The following HYDIN variants were observed in gnomAD, a reference collection of about 807,000 sequenced individuals.
HYDIN encodes the protein HYDIN axonemal central pair apparatus protein.
HYDIN carries 132 observed loss-of-function variants against 403.9 expected under a neutral mutation model. The ratio of observed to expected loss-of-function variants is 0.33; its 90% CI spans 0.28 to 0.38. HYDIN has a LOEUF of 0.38. HYDIN is among the 10% of genes least tolerant of loss of function. HYDIN has a pLI of 1.00. For missense variants in HYDIN, 2,827 were observed against 5,009.5 expected (o/e 0.56, Z 13.15); for synonymous variants, 1,202 against 1,891.7 (o/e 0.64, Z 9.46).
rs759793843 is a variant in HYDIN at position 70,959,838 on chromosome 16, ATG to A, written c.5969-20_5969-19del. ...CTTGTCAGCTGCAAATTTAAAATATATGTGTGTGCACACATGGCATGCATGCT... is the reference window on the plus strand; with the variant it reads ...CTTGTCAGCTGCAAATTTAAAATATATGTGTGCACACATGGCATGCATGCT... On this transcript the variant is annotated intron_variant, in intron 38 of 85. Transcript: ENST00000393567. 3 of 640,678 alleles carry A rather than the reference ATG, an allele frequency of 4.7e-6. No individual in the cohort carries two copies. Among genetic ancestry groups the A allele is most frequent in the African/African-American group, 2.2e-5 (1 of 45,646 alleles). The allele number at this position is 640,678 out of a possible 1,614,324, so 39.7% of individuals were successfully genotyped here. A position where few individuals can be genotyped will look rare whatever the true frequency, so the allele number is the denominator to read the frequency against.
chr16:71,128,234 C>T (rs2084552323), intron 9 of HYDIN, among the ~76,000 whole-genome samples: 1 of 152,048 alleles, frequency 6.6e-6, no homozygotes, highest in East Asian at 1.9e-4. Flanking sequence ...AAACTGTGTC[C>T]CAGAGGATGT....
At chr16:71,227,759 C>T (rs1289164348) in intron 1 of HYDIN, among the ~76,000 whole-genome samples, 1 of 152,150 alleles carries the variant, frequency 6.6e-6, no homozygotes, top group Non-Finnish European at 1.5e-5. Context: ...AGATTCAGTG[C>T]CATCCCCATC....
chr16:71,141,347 T>C (rs1274569382), intron 7 of HYDIN, among the ~76,000 whole-genome samples: 2 of 151,428 alleles, frequency 1.3e-5, no homozygotes, highest in Non-Finnish European at 3.0e-5. Flanking sequence ...AATATTTAAA[T>C]GTTCAATATG....
Position 70,805,650 on chromosome 16 carries a change from T to C in HYDIN, c.*1930A>G, listed in dbSNP as rs1312120839. ...ATGCTGTATATTTGCAAGTCATCAC[T>C]CTTGCTCATTGATCTTAGCATCCTC... On this transcript the variant is annotated 3_prime_UTR_variant, in exon 86 of 86. Transcript: ENST00000393567. 6.6e-6 allele frequency among the ~76,000 whole-genome samples: 1 copy of C among 152,254 alleles called. No individual in the cohort carries two copies. Among genetic ancestry groups the C allele is most frequent in the Non-Finnish European group, 1.5e-5 (1 of 68,046 alleles).
chr16:71,083,833 G>C (rs1396138762), intron 12 of HYDIN, among the ~76,000 whole-genome samples: 1 of 138,722 alleles, frequency 7.2e-6, no homozygotes, highest in African/African-American at 2.7e-5. Flanking sequence ...CCGCTCTTTA[G>C]TCACTTAGTA....
rs766902138 is a variant in HYDIN at position 70,920,861 on chromosome 16, G to A, written c.7515C>T (p.Arg2505=). ...CTCTCTCCCGGTCCTTGCGGCCCCT[G>A]CGCCCACCCAAGGGGACCTGGCGCT... ...DDQRQVPLGG[R]RGRKDRERER... is the part of the protein sequence containing the mutation. Residue 2505 remains arginine, a synonymous_variant, in exon 46 of 86, where the codon CGC becomes CGT. Coordinates refer to ENST00000393567, the MANE Select transcript of HYDIN (RefSeq NM_001270974.2). 5 of 1,601,234 alleles carry A rather than the reference G, an allele frequency of 3.1e-6. No individual in the cohort carries two copies. The highest frequency in any genetic ancestry group is 4.3e-6 in the Non-Finnish European group (5 of 1,173,352).
intron 8 of HYDIN, among the ~76,000 whole-genome samples, chr16:71,136,777 AAAAC>A (rs1375268663): frequency 2.0e-5 from 3 of 150,284 alleles, no homozygotes; most frequent in Non-Finnish European, 4.4e-5. Context: ...AAAAAAAAAA[AAAAC>A]AAAAAAAACA....
At chr16:71,214,013 A>G (rs1567461140) in intron 1 of HYDIN, among the ~76,000 whole-genome samples, 1 of 152,138 alleles carries the variant, frequency 6.6e-6, no homozygotes, top group East Asian at 1.9e-4. Context: ...ATATGAATAT[A>G]TAACATTTTT....
intron 5 of HYDIN, among the ~76,000 whole-genome samples, chr16:71,163,202 A>G: frequency 6.7e-6 from 1 of 149,186 alleles, no homozygotes. Flanking sequence ...TGCTCACTAC[A>G]AGCTCCGCCT....
At chr16:71,022,453 A>T (rs1233263421) in intron 21 of HYDIN, among the ~76,000 whole-genome samples, 1 of 152,194 alleles carries the variant, frequency 6.6e-6, no homozygotes, top group Non-Finnish European at 1.5e-5. Flanking sequence ...TATAAAGTAG[A>T]CCAAATCTGA....
intron 10 of HYDIN, among the ~76,000 whole-genome samples, chr16:71,098,360 C>G (rs1371220543): frequency 6.6e-6 from 1 of 151,872 alleles, no homozygotes; most frequent in Non-Finnish European, 1.5e-5. Flanking sequence ...CGCCACCACG[C>G]CCGGCTAATA....
chr16:70,920,591 C>G lies in HYDIN; in HGVS notation c.7785G>C (p.Gln2595His), dbSNP rs769252277. 6.2e-7 allele frequency: 1 copy of G among 1,608,460 alleles called. No homozygotes were observed. The highest frequency in any genetic ancestry group is 8.5e-7 in the Non-Finnish European group (1 of 1,176,264). The change falls in exon 46 of 86, where the codon CAG (glutamine) becomes CAC (histidine). Residue 2595 changes from glutamine (Q) to histidine (H), a missense_variant and splice_region_variant. Physicochemically the swap from Gln to His is conservative, Grantham distance 24. Transcript: ENST00000393567. ...CCCCACCCTGGAGGAGAGTCCATAC[C>G]TGCTCTCCTTTGGGAAGCTTGTCGC... Reference protein sequence around the residue: ...LESDKLPKGEQILDILGLGAS... With the variant: ...LESDKLPKGEHILDILGLGAS...
intron 9 of HYDIN, among the ~76,000 whole-genome samples, chr16:71,126,424 A>C (rs1427231603): frequency 2.0e-5 from 3 of 152,200 alleles, no homozygotes; most frequent in African/African-American, 7.2e-5. Flanking sequence ...AAATGTAAAT[A>C]GGTCAAGACC....
intron 54 of HYDIN, 53 bp downstream of exon 54, chr16:70,895,928 C>G (rs1421062681): frequency 1.3e-6 from 2 of 1,544,158 alleles, no homozygotes; most frequent in African/African-American, 3.1e-5. Context: ...CAGAAATACA[C>G]TATACAAAAG....
chr16:70,884,595 A>T (rs1009198086), intron 58 of HYDIN, among the ~76,000 whole-genome samples: 2 of 151,866 alleles, frequency 1.3e-5, no homozygotes, highest in Non-Finnish European at 2.9e-5. Flanking sequence ...ATGGGGCTAA[A>T]GCCCCGACCC....
Position 70,920,903 on chromosome 16 carries a change from G to A in HYDIN, c.7473C>T (p.Pro2491=). The change falls in exon 46 of 86, where the codon CCC becomes CCT. Residue 2491 remains proline, a synonymous_variant. Transcript: ENST00000393567. ...QLPPAGMEEA[P]HEPDDQRQVP... ...CCTGGCGCTGGTCGTCGGGCTCATG[G>A]GGCGCTTCCTCCATCCCTGCAGGAG... The A allele has an allele frequency of 6.2e-7, 1 of 1,613,450 alleles. No individual in the cohort carries two copies. The highest frequency in any genetic ancestry group is 8.5e-7 in the Non-Finnish European group (1 of 1,179,676).
chr16:70,834,028 C>T lies in HYDIN; in HGVS notation c.13538G>A (p.Arg4513His), dbSNP rs201554059. The T allele has an allele frequency of 1.9e-3, 2,990 of 1,604,212 alleles. 7 individuals carry two copies. The highest frequency in any genetic ancestry group is 6.6e-3 in the East Asian group (292 of 44,566). The change falls in exon 79 of 86, where the codon CGC (arginine) becomes CAC (histidine). Residue 4513 changes from arginine to histidine, a missense_variant. Transcript: ENST00000393567. Reference protein sequence around the residue: ...EVFMECMGLLRPLFLLSGCCQ... With the variant: ...EVFMECMGLLHPLFLLSGCCQ... ...GCAGCCGCTAAGGAGGAAGAGGGGG[C>T]GCAGGAGCCCCATGCATTCCATGAA...
At chr16:70,942,061 A>G (rs2077695564) in intron 42 of HYDIN, among the ~76,000 whole-genome samples, 1 of 122,108 alleles carries the variant, frequency 8.2e-6, no homozygotes. Context: ...CGGTCACTCC[A>G]GCGCCCAGGC....
intron 11 of HYDIN, among the ~76,000 whole-genome samples, chr16:71,090,791 C>A (rs554671156): frequency 0.034 from 5,127 of 151,568 alleles, 295 homozygotes; most frequent in African/African-American, 0.12. Flanking sequence ...AGACATGAGC[C>A]ACCACACGTA....
Sources: allele counts gnomAD v4.1 joint callset (sites outside exome capture counted in the v4.1 genomes callset), GRCh38; gene constraint gnomAD v4.1.1; transcripts MANE v1.5; gene names NCBI Gene and HGNC (gene_info 2026-07-23, HGNC 2026-07-21).